The following ASIP variants were observed in gnomAD, a reference collection of about 807,000 sequenced individuals.
The protein encoded by ASIP is agouti-signaling protein.
In ASIP, 11 loss-of-function variants were observed where a neutral mutation model predicts 10.3. That is an observed-to-expected ratio of 1.07 (90% CI 0.68 to 1.78). The LOEUF (loss-of-function observed/expected upper bound fraction) is 1.78. Among genes scored for constraint, ASIP ranks in the 40% most tolerant of loss-of-function variants. The pLI, the probability that ASIP is intolerant of heterozygous loss-of-function variation, is 0.00. For synonymous variants in ASIP, 70 were observed against 70.8 expected (o/e 0.99, Z 0.06); for missense variants, 180 against 169.2 (o/e 1.06, Z -0.35).
At chr20:34,236,553 A>C (rs2035213525), upstream of ASIP, among the ~76,000 whole-genome samples, 1 of 151,952 alleles carries the variant, frequency 6.6e-6, no homozygotes, top group Non-Finnish European at 1.5e-5. Context: ...CTCAAAAAAA[A>C]AAAGAATCAT....
intron 1 of ASIP, chr20:34,213,644 C>T (rs1356659325): frequency 1.3e-6 from 2 of 1,563,756 alleles, no homozygotes; most frequent in African/African-American, 2.7e-5. Context: ...GGAATGAACT[C>T]CTGGAGGTCT....
intron 1 of ASIP, among the ~76,000 whole-genome samples, chr20:34,201,566 G>A (rs1447084499): frequency 6.6e-6 from 1 of 152,308 alleles, no homozygotes; most frequent in Non-Finnish European, 1.5e-5. Context: ...TTAAGGAACT[G>A]AAATCTAGCA....
At chr20:34,194,661 C>T (rs1304528528) in exon 1 of ASIP, 1 of 152,114 alleles carries the variant, frequency 6.6e-6, no homozygotes, top group Non-Finnish European at 1.5e-5. Context: ...AAAACTACGT[C>T]TTGACTTCAG....
chr20:34,211,195 C>T (rs1417944503), intron 1 of ASIP, among the ~76,000 whole-genome samples: 5 of 151,976 alleles, frequency 3.3e-5, no homozygotes, highest in Non-Finnish European at 7.4e-5. Flanking sequence ...ATGCCTGGCT[C>T]GATTTTTATT....
chr20:34,225,376 T>C (rs2035085850), intron 1 of ASIP, among the ~76,000 whole-genome samples: 1 of 150,434 alleles, frequency 6.6e-6, no homozygotes, highest in Admixed American at 6.6e-5. Context: ...ATCAACATTA[T>C]TGTCTACTTT....
In ASIP at chr20:34,213,886, C is replaced by T. The variant is rs1276204010; in HGVS notation, c.-11+19126C>T. 3.9e-5 allele frequency: 61 copies of T among 1,576,470 alleles called. 1 individual carries two copies. Among genetic ancestry groups the T allele is most frequent in the Non-Finnish European group, 5.1e-5 (59 of 1,153,046 alleles). Reference sequence around the variant, plus strand: ...CTTGTTGCTGAAAGCTTTACTAGTTCGACTTGCAAATCCAACAGCATGGTT... The same window carrying T: ...CTTGTTGCTGAAAGCTTTACTAGTTTGACTTGCAAATCCAACAGCATGGTT... On this transcript the variant is annotated intron_variant, in intron 1 of 3. Transcript: ENST00000568305.
the ASIP span, among the ~76,000 whole-genome samples, chr20:34,188,057 C>T: frequency 1.3e-5 from 2 of 152,210 alleles, no homozygotes; most frequent in Non-Finnish European, 2.9e-5. Context: ...ATCTTCCCCT[C>T]GCACTTCCAG....
At chr20:34,247,415 C>T (rs2035397177) in intron 1 of ASIP, among the ~76,000 whole-genome samples, 2 of 151,634 alleles carry the variant, frequency 1.3e-5, no homozygotes, top group Non-Finnish European at 2.9e-5. Flanking sequence ...ATTCTCCTGC[C>T]TCAGCCTCCC....
At chr20:34,256,703 C>A (rs1407598440) in intron 1 of ASIP, among the ~76,000 whole-genome samples, 3 of 152,158 alleles carry the variant, frequency 2.0e-5, no homozygotes, top group Non-Finnish European at 2.9e-5. Flanking sequence ...AAGGAAAACC[C>A]AAAGACACAA....
At chr20:34,187,248 A>G in the ASIP span, among the ~76,000 whole-genome samples, 1,553 of 152,258 alleles carry the variant, frequency 0.01, 10 homozygotes, top group Middle Eastern at 0.027. Flanking sequence ...TGGTAGTCCT[A>G]AATTGGTTCT....
At chr20:34,210,210 C>T (rs2034965152) in intron 1 of ASIP, among the ~76,000 whole-genome samples, 1 of 152,244 alleles carries the variant, frequency 6.6e-6, no homozygotes, top group African/African-American at 2.4e-5. Flanking sequence ...GCTGAAACGT[C>T]CCTTGCTCAC....
chr20:34,202,669 C>A (rs1275975413), intron 1 of ASIP, among the ~76,000 whole-genome samples: 2 of 152,138 alleles, frequency 1.3e-5, no homozygotes, highest in East Asian at 3.9e-4. Flanking sequence ...CATTCTTTTC[C>A]ATTTGTCCAT....
intron 1 of ASIP, among the ~76,000 whole-genome samples, chr20:34,232,431 T>C (rs1416991376): frequency 6.6e-6 from 1 of 152,086 alleles, no homozygotes; most frequent in African/African-American, 2.4e-5. Flanking sequence ...TTAATCTGAT[T>C]AGTAGAGGTT....
chr20:34,241,740 A>G (rs2035286986), intron 1 of ASIP, among the ~76,000 whole-genome samples: 1 of 152,198 alleles, frequency 6.6e-6, no homozygotes, highest in African/African-American at 2.4e-5. Context: ...ATAAATAAAT[A>G]TATCTATATG....
At chr20:34,205,219 G>A (rs1157383208) in intron 1 of ASIP, among the ~76,000 whole-genome samples, 2 of 152,176 alleles carry the variant, frequency 1.3e-5, no homozygotes, top group Admixed American at 1.3e-4. Context: ...TGGGTTCGTG[G>A]TCTTGCCGAC....
chr20:34,202,801 C>CTTTTTTTTTTTTTT (rs34156089), intron 1 of ASIP, among the ~76,000 whole-genome samples: 1 of 57,286 alleles, frequency 1.7e-5, no homozygotes, highest in Non-Finnish European at 3.4e-5. Flanking sequence ...CTTGGCTATT[C>CTTTTTTTTTTTTTT]TTTTTTTTTT....
At chr20:34,238,041 T>C (rs1429297180), upstream of ASIP, among the ~76,000 whole-genome samples, 1 of 152,202 alleles carries the variant, frequency 6.6e-6, no homozygotes, top group Non-Finnish European at 1.5e-5. Context: ...TTGTATGTGA[T>C]GAGTCGCATC....
intron 1 of ASIP, among the ~76,000 whole-genome samples, chr20:34,202,166 T>A (rs1307293878): frequency 3.9e-5 from 6 of 152,146 alleles, no homozygotes; most frequent in Non-Finnish European, 8.8e-5. Context: ...CTATCTTATA[T>A]CTTCTAGAAC....
At chr20:34,231,339 C>T (rs75002918) in intron 1 of ASIP, among the ~76,000 whole-genome samples, 20 of 716 alleles carry the variant, frequency 0.028, 9 homozygotes, top group African/African-American at 0.14. Flanking sequence ...GCTCCTTGCC[C>T]TCGGGCCCCG....
Sources: gnomAD v4.1 joint callset for allele counts (sites outside exome capture counted in the v4.1 genomes callset) on GRCh38, gnomAD v4.1.1 for gene constraint, MANE v1.5 for transcripts, NCBI Gene and HGNC (gene_info 2026-07-23, HGNC 2026-07-21) for gene names.